CELF2: variants seen among roughly 807,000 people sequenced by gnomAD.
The protein encoded by CELF2 is CUG triplet repeat RNA-binding protein 2.
A neutral mutation model predicts 62.6 loss-of-function variants in CELF2; 8 were observed. That is an observed-to-expected ratio of 0.13 (90% CI 0.07 to 0.23). CELF2 has a LOEUF of 0.23. CELF2 is among the 10% of genes least tolerant of loss of function. The pLI is 1.00. For missense variants in CELF2, 333 were observed against 671.0 expected, an observed-to-expected ratio of 0.50 and a Z score of 5.56; for synonymous variants, 258 against 250.0, an observed-to-expected ratio of 1.03 and a Z score of -0.30.
the CELF2 span, among the ~76,000 whole-genome samples, chr10:10,529,010 T>C: frequency 6.6e-6 from 1 of 152,208 alleles, no homozygotes; most frequent in Non-Finnish European, 1.5e-5. Context: ...GTCTGGAGAG[T>C]GTCTTATCAG....
At chr10:10,773,750 G>A in the CELF2 span, among the ~76,000 whole-genome samples, 2 of 152,214 alleles carry the variant, frequency 1.3e-5, no homozygotes, top group African/African-American at 4.8e-5. Flanking sequence ...ACAGTTCTGG[G>A]ATTTTTTAAT....
At chr10:10,580,071 T>C in the CELF2 span, among the ~76,000 whole-genome samples, 18 of 152,162 alleles carry the variant, frequency 1.2e-4, no homozygotes, top group Non-Finnish European at 2.9e-5. Flanking sequence ...ATAGTGATGA[T>C]GCAAGGAAAA....
chr10:10,809,945 A>T (rs539308564), intron 1 of CELF2, among the ~76,000 whole-genome samples: 2 of 152,212 alleles, frequency 1.3e-5, no homozygotes, highest in Non-Finnish European at 2.9e-5. Context: ...ACAATATTAA[A>T]CTAATCTTAC....
chr10:10,638,502 G>C, the CELF2 span, among the ~76,000 whole-genome samples: 2 of 152,164 alleles, frequency 1.3e-5, no homozygotes, highest in Non-Finnish European at 2.9e-5. Context: ...ATGAGTAAAT[G>C]AGTTGCACAT....
the CELF2 span, among the ~76,000 whole-genome samples, chr10:10,759,312 T>TCC: frequency 3.8e-5 from 5 of 130,572 alleles, no homozygotes; most frequent in Non-Finnish European, 6.4e-5. Flanking sequence ...TTTTTTTTTT[T>TCC]TTTTTTTTTT....
the CELF2 span, among the ~76,000 whole-genome samples, chr10:10,634,058 T>C: frequency 6.6e-6 from 1 of 152,064 alleles, no homozygotes; most frequent in African/African-American, 2.4e-5. Context: ...TTTCCTGGAA[T>C]TCTTACTTTT....
At chr10:11,154,357 T>C (rs1409565352) in intron 1 of CELF2, among the ~76,000 whole-genome samples, 1 of 152,226 alleles carries the variant, frequency 6.6e-6, no homozygotes, top group Admixed American at 6.5e-5. Context: ...TAGTATTTGG[T>C]ACTGATTTCA....
At position 11,116,085 on chromosome 10, in the gene CELF2, G is replaced by C. The variant is rs148597987; in HGVS notation, c.75-49401G>C. ...AAAATGGCCTTAATCCTGTGGGACA[G>C]TATTCGTAATTTCTCGATAAAATCC... On this transcript the variant is annotated intron_variant, in intron 1 of 12. Coordinates refer to ENST00000633077, the MANE Select transcript of CELF2 (RefSeq NM_001326342.2). 6.4e-4 allele frequency among the ~76,000 whole-genome samples: 98 copies of C among 152,306 alleles called. 2 individuals carry two copies. The highest frequency in any genetic ancestry group is 6.8e-3 in the Middle Eastern group (2 of 294).
the CELF2 span, among the ~76,000 whole-genome samples, chr10:10,733,157 C>T: frequency 1.3e-4 from 20 of 152,154 alleles, no homozygotes; most frequent in African/African-American, 4.6e-4. Context: ...CAGCTAGCTT[C>T]GGCCCCCACA....
At chr10:10,472,954 A>C in the CELF2 span, among the ~76,000 whole-genome samples, 22 of 151,916 alleles carry the variant, frequency 1.4e-4, no homozygotes, top group Admixed American at 6.6e-5. Flanking sequence ...TTCTATATCC[A>C]GATGCTATGG....
In CELF2 at chr10:10,997,885, C is replaced by A. The variant is rs1291248597; in HGVS notation, c.89+77886C>A. 1.3e-5 allele frequency among the ~76,000 whole-genome samples: 2 copies of A among 152,136 alleles called. No homozygotes were observed. Among genetic ancestry groups the A allele is most frequent in the Non-Finnish European group, 2.9e-5 (2 of 68,026 alleles). On this transcript the variant is annotated intron_variant, in intron 2 of 13. Coordinates refer to the CELF2 transcript ENST00000636488. The surrounding 1 kb of genome is among the most constrained non-coding windows in gnomAD (Gnocchi z 5.3). ...ATATGGTTTGGCTCTGTATCCCCAC[C>A]CAAATCTCACCTTGAATTGTAATAA...
In CELF2 at chr10:10,948,090, A is replaced by T. The variant is rs1485055259; in HGVS notation, c.89+28091A>T. ...TGTATTTTGCCAGAAACCTGGGCTC[A>T]TCAGATCATACAGCTGGAAAGTGGG... On this transcript the variant is annotated intron_variant, in intron 2 of 13. Coordinates refer to the CELF2 transcript ENST00000636488. 2.6e-5 allele frequency among the ~76,000 whole-genome samples: 4 copies of T among 152,220 alleles called. No homozygotes were observed. In the South Asian group the frequency reaches 8.3e-4, roughly 31 times the overall value.
At chr10:10,469,909 T>C in the CELF2 span, among the ~76,000 whole-genome samples, 1 of 151,870 alleles carries the variant, frequency 6.6e-6, no homozygotes, top group African/African-American at 2.4e-5. Context: ...ATAATTCATC[T>C]GAGTAATCCC....
chr10:10,775,625 A>AAT, the CELF2 span, among the ~76,000 whole-genome samples: 4 of 108,164 alleles, frequency 3.7e-5, no homozygotes, highest in Admixed American at 1.2e-4. Flanking sequence ...AAAAAAAAAA[A>AAT]ATATATATAT....
At chr10:10,744,225 T>C in the CELF2 span, among the ~76,000 whole-genome samples, 5 of 152,296 alleles carry the variant, frequency 3.3e-5, no homozygotes, top group South Asian at 1.0e-3. Context: ...TACACACAAA[T>C]TTCTCCTCTC....
the CELF2 span, among the ~76,000 whole-genome samples, chr10:10,726,680 A>G: frequency 6.6e-5 from 10 of 152,058 alleles, no homozygotes; most frequent in Admixed American, 1.3e-4. Flanking sequence ...CTTTGGGGGG[A>G]AAATGTTTAA....
chr10:10,506,670 A>AT, the CELF2 span, among the ~76,000 whole-genome samples: 963 of 64,462 alleles, frequency 0.015, 192 homozygotes, highest in African/African-American at 0.049. Context: ...CCTCCTGTGA[A>AT]TTTTTTTTTT....
intron 1 of CELF2, among the ~76,000 whole-genome samples, chr10:10,834,187 T>A (rs950767823): frequency 2.0e-5 from 3 of 152,192 alleles, no homozygotes; most frequent in Non-Finnish European, 4.4e-5. Context: ...GAAGCCATCA[T>A]CCTTAGCGAA....
At chr10:10,631,815 A>G in the CELF2 span, among the ~76,000 whole-genome samples, 1 of 152,190 alleles carries the variant, frequency 6.6e-6, no homozygotes, top group Admixed American at 6.5e-5. Flanking sequence ...AAATGGGAAA[A>G]GTATTGAGCA....
Sources: allele counts gnomAD v4.1 joint callset (sites outside exome capture counted in the v4.1 genomes callset), GRCh38; gene constraint gnomAD v4.1.1; non-coding constraint Gnocchi (gnomAD v3.1); transcripts MANE v1.5; gene names NCBI Gene and HGNC (gene_info 2026-07-23, HGNC 2026-07-21).